LIPE: variants seen among roughly 807,000 people sequenced by gnomAD.
The protein encoded by LIPE is hormone-sensitive lipase.
LIPE carries 66 observed loss-of-function variants against 88.5 expected under a neutral mutation model. The ratio of observed to expected loss-of-function variants is 0.75; its 90% confidence interval spans 0.61 to 0.91. LIPE has a LOEUF of 0.91. LIPE is among the 40% of genes least tolerant of loss of function. The pLI is 0.00. For synonymous variants in LIPE, 570 were observed against 617.5 expected, an observed-to-expected ratio of 0.92 and a Z score of 1.14; for missense variants, 1,346 against 1,434.7, an observed-to-expected ratio of 0.94 and a Z score of 1.00.
Position 42,426,623 on chromosome 19 carries a change from G to A in LIPE, c.527C>T (p.Thr176Met), listed in dbSNP as rs961123679. 5.0e-6 allele frequency: 8 copies of A among 1,614,114 alleles called. No homozygotes were observed. The highest frequency in any genetic ancestry group is 4.5e-5 in the East Asian group (2 of 44,894). ...TGACTGTTCAGGTGTCTCTTGGGAC[G>A]TAGATTCAGTCGGGGCAGATGGCTC... The part of the protein sequence containing the change: ...KREPSAPTES[T>M]SQETPEQSDK... Residue 176 changes from threonine to methionine, a missense_variant, in exon 1 of 10, where the codon ACG (threonine) becomes ATG (methionine). By Grantham distance (81) the Thr-to-Met change is moderately conservative. Transcript: ENST00000244289.
chr19:42,420,227 T>C (rs1260429079), intron 1 of LIPE, among the ~76,000 whole-genome samples: 2 of 152,004 alleles, frequency 1.3e-5, no homozygotes, highest in African/African-American at 2.4e-5. Flanking sequence ...ATCTCTGCTG[T>C]GTTTCTGTGT....
chr19:42,410,299 G>A lies in LIPE; in HGVS notation c.1419+8C>T, dbSNP rs924217945. On this transcript the variant is annotated splice_region_variant and intron_variant, in intron 2 of 9. Transcript: ENST00000244289. The surrounding 1 kb of genome is among the most constrained non-coding windows in gnomAD (Gnocchi z 6.1). The stretch of plus-strand genomic sequence containing the variant: ...TGGGCCCAGAGGGGCACGGGGCAGG[G>A]GGCTCACCTGGAAGCCCAGGCAGCG... The A allele has an allele frequency of 1.1e-5, 17 of 1,558,926 alleles. No homozygotes were observed. The highest frequency in any genetic ancestry group is 1.5e-5 in the Non-Finnish European group (17 of 1,150,836).
chr19:42,417,261 T>A (rs1467552770), intron 1 of LIPE, among the ~76,000 whole-genome samples: 2 of 152,184 alleles, frequency 1.3e-5, no homozygotes, highest in African/African-American at 2.4e-5. Context: ...TTCTTATTTT[T>A]AAAATTTTTA....
intron 1 of LIPE, among the ~76,000 whole-genome samples, chr19:42,417,426 AT>A (rs568678648): frequency 0.036 from 5,128 of 144,436 alleles, 254 homozygotes; most frequent in African/African-American, 0.12. Context: ...TGCCTGGTTC[AT>A]TTTTTTTTTT....
chr19:42,420,816 T>C (rs577795527), intron 1 of LIPE, among the ~76,000 whole-genome samples: 1 of 152,162 alleles, frequency 6.6e-6, no homozygotes, highest in Non-Finnish European at 1.5e-5. Flanking sequence ...GTTCACACAC[T>C]TCCAACCCTT....
chr19:42,402,060 G>A lies in LIPE; in HGVS notation c.2983C>T (p.Pro995Ser). ...PVHIVACALD[P>S]MLDDSVMLAR... ...AGCATGACCGAGTCGTCCAGCATGG[G>A]GTCCAGCGCGCACGCCTACGGGACA... The change falls in exon 10 of 10, where the codon CCC (proline) becomes TCC (serine). Residue 995 changes from proline (P) to serine (S), a missense_variant. By Grantham distance (74) the Pro-to-Ser change is moderately conservative. Transcript: ENST00000244289. The A allele has an allele frequency of 6.7e-7, 1 of 1,496,148 alleles. No individual in the cohort carries two copies. Among genetic ancestry groups the A allele is most frequent in the Non-Finnish European group, 8.9e-7 (1 of 1,120,560 alleles). The allele number at this position is 1,496,148 out of a possible 1,614,324, so 92.7% of individuals were successfully genotyped here. A position where few individuals can be genotyped will look rare whatever the true frequency, so the allele number is the denominator to read the frequency against.
At chr19:42,415,558 C>G (rs2040469180) in intron 1 of LIPE, among the ~76,000 whole-genome samples, 1 of 152,228 alleles carries the variant, frequency 6.6e-6, no homozygotes, top group Non-Finnish European at 1.5e-5. Flanking sequence ...TGCCTGTAAT[C>G]CCAGCACTTT....
chr19:42,420,368 C>T lies in LIPE; in HGVS notation c.883+5899G>A, dbSNP rs527326215. ...GGCGTGTGTCCTGGCCTGTGTCCGT[C>T]GGCACTGGTACATTTGAAGGTATGA... On this transcript the variant is annotated intron_variant, in intron 1 of 9. Coordinates refer to ENST00000244289, the MANE Select transcript of LIPE (RefSeq NM_005357.4). Among the ~76,000 whole-genome samples the T allele has an allele frequency of 2.6e-5, 4 of 152,150 alleles. No homozygotes were observed. In the South Asian group the frequency reaches 6.2e-4, roughly 24 times the overall value.
At position 42,408,837 on chromosome 19, in the gene LIPE, A is replaced by AC. The variant is rs888576196; in HGVS notation, c.1420-516_1420-515insG. Among the ~76,000 whole-genome samples, 4 of 150,366 alleles carry AC rather than the reference A, an allele frequency of 2.7e-5. No homozygotes were observed. The highest frequency in any genetic ancestry group is 6.6e-5 in the Admixed American group (1 of 15,106). On this transcript the variant is annotated intron_variant, in intron 2 of 9. Transcript: ENST00000244289. This position sits in a 1 kb window ranked among gnomAD's most constrained non-coding sequence, Gnocchi z 4.3. ...AGACTCTGTCTCTAAAAAAAAAAAA[A>AC]GGTGAGCTCATGCTTGGTGCTTGAC...
Position 42,406,049 on chromosome 19 carries a change from C to T in LIPE, c.2365+112G>A. On this transcript the variant is annotated intron_variant, in intron 7 of 9. Coordinates refer to ENST00000244289, the MANE Select transcript of LIPE (RefSeq NM_005357.4). The surrounding 1 kb of genome is among the most constrained non-coding windows in gnomAD (Gnocchi z 5.7). ...AAAAAGGGACAAGGAGTCTTAGATT[C>T]CTCTGCCTGGCCTCTCCTTCCTCAG... 1.2e-6 allele frequency: 1 copy of T among 835,950 alleles called. No homozygotes were observed. The highest frequency in any genetic ancestry group is 1.7e-5 in the South Asian group (1 of 59,060). The allele number at this position is 835,950 out of a possible 1,614,324, so 51.8% of individuals were successfully genotyped here. A position where few individuals can be genotyped will look rare whatever the true frequency, so the allele number is the denominator to read the frequency against.
At position 42,408,593 on chromosome 19, in the gene LIPE, G is replaced by A. The variant is rs2147612340; in HGVS notation, c.1420-271C>T. ...AAAAAAAAAGGCAGTAGGTGGAGAGGGCACCAGTGATGACTAGGGGTCAGG... is the reference window on the plus strand; with the variant it reads ...AAAAAAAAAGGCAGTAGGTGGAGAGAGCACCAGTGATGACTAGGGGTCAGG... On this transcript the variant is annotated intron_variant, in intron 2 of 9. Transcript: ENST00000244289. The surrounding 1 kb of genome is among the most constrained non-coding windows in gnomAD (Gnocchi z 4.3). 1 of 474,746 alleles carries A rather than the reference G, an allele frequency of 2.1e-6. No individual in the cohort carries two copies. The highest frequency in any genetic ancestry group is 3.9e-6 in the Non-Finnish European group (1 of 258,152). The allele number at this position is 474,746 out of a possible 1,614,324, so 29.4% of individuals were successfully genotyped here. A position where few individuals can be genotyped will look rare whatever the true frequency, so the allele number is the denominator to read the frequency against.
Position 42,408,823 on chromosome 19 carries a change from C to CT in LIPE, c.1420-502dup, listed in dbSNP as rs2040278590. Reference sequence around the variant, plus strand: ...TGGGCGACAGAGCGAGACTCTGTCTCTAAAAAAAAAAAAAGGTGAGCTCAT... The same window carrying CT: ...TGGGCGACAGAGCGAGACTCTGTCTCTTAAAAAAAAAAAAAGGTGAGCTCAT... On this transcript the variant is annotated intron_variant, in intron 2 of 9. Coordinates refer to ENST00000244289, the MANE Select transcript of LIPE (RefSeq NM_005357.4). This position sits in a 1 kb window ranked among gnomAD's most constrained non-coding sequence, Gnocchi z 4.3. Among the ~76,000 whole-genome samples the CT allele has an allele frequency of 7.2e-6, 1 of 138,530 alleles. No individual in the cohort carries two copies. The highest frequency in any genetic ancestry group is 1.6e-5 in the Non-Finnish European group (1 of 61,664). 90.9% of individuals were successfully genotyped at this position (138,530 alleles called of 152,430 possible).
rs143010763 is a variant in LIPE at position 42,408,872 on chromosome 19, G to T, written c.1420-550C>A. Reference sequence around the variant, plus strand: ...ATGCTTGGTGCTTGACCTGGGTAGCGACAGTCAGGGGGCCAGTGTGGCTGG... The same window carrying T: ...ATGCTTGGTGCTTGACCTGGGTAGCTACAGTCAGGGGGCCAGTGTGGCTGG... On this transcript the variant is annotated intron_variant, in intron 2 of 9. Transcript: ENST00000244289. This position sits in a 1 kb window ranked among gnomAD's most constrained non-coding sequence, Gnocchi z 4.3. Among the ~76,000 whole-genome samples, 20 of 152,058 alleles carry T rather than the reference G, an allele frequency of 1.3e-4. No homozygotes were observed. In the East Asian group the frequency reaches 3.5e-3, roughly 26 times the overall value.
chr19:42,417,856 C>T (rs983515498), intron 1 of LIPE, among the ~76,000 whole-genome samples: 2 of 151,558 alleles, frequency 1.3e-5, no homozygotes, highest in African/African-American at 4.9e-5. Context: ...TCCCCCTCTA[C>T]AAAAAATAAA....
At chr19:42,412,649 C>T (rs2040407416) in intron 1 of LIPE, 5 of 838,566 alleles carry the variant, frequency 6.0e-6, no homozygotes, top group Non-Finnish European at 7.2e-6. Flanking sequence ...CCCACAGCCC[C>T]TCCTCCCTCA....
chr19:42,412,364 C>T (rs2040400019), intron 1 of LIPE: 1 of 985,884 alleles, frequency 1.0e-6, no homozygotes, highest in African/African-American at 1.7e-5. Flanking sequence ...TGGACACTCA[C>T]CCCTCCTAGG....
At chr19:42,423,774 A>G (rs1286170389) in intron 1 of LIPE, 1 of 1,111,514 alleles carries the variant, frequency 9.0e-7, no homozygotes, top group South Asian at 2.0e-5. Context: ...CTCGCGGCCA[A>G]CAAAAAGGCA....
At position 42,410,207 on chromosome 19, in the gene LIPE, T is replaced by C. The variant is rs34557798; in HGVS notation, c.1419+100A>G. 12 of 1,221,184 alleles carry C rather than the reference T, an allele frequency of 9.8e-6. No individual in the cohort carries two copies. The highest frequency in any genetic ancestry group is 1.3e-5 in the Non-Finnish European group (12 of 894,088). 75.6% of individuals were successfully genotyped at this position (1,221,184 alleles called of 1,614,324 possible). A position where few individuals can be genotyped will look rare whatever the true frequency, so the allele number is the denominator to read the frequency against. ...TGTACCTGCTGTTTGCTGAGTCCGA[T>C]AATGCTGACCACTGGTTACTTTACC... is the stretch of plus-strand genomic sequence containing the variant. On this transcript the variant is annotated intron_variant, in intron 2 of 9. Transcript: ENST00000244289. This position sits in a 1 kb window ranked among gnomAD's most constrained non-coding sequence, Gnocchi z 6.1.
Position 42,407,284 on chromosome 19 carries a change from G to A in LIPE, c.2027C>T (p.Ala676Val), listed in dbSNP as rs765951365. ...GGAGTAGTCGATGGAGATGATGGGGGCGCCCAGCTCCTGGGCCCAGCTCTT... is the reference window on the plus strand; with the variant it reads ...GGAGTAGTCGATGGAGATGATGGGGACGCCCAGCTCCTGGGCCCAGCTCTT... ...YLKSWAQELG[A>V]PIISIDYSLA... Residue 676 changes from alanine (A) to valine (V), a missense_variant, in exon 6 of 10, where the codon GCC becomes GTC. Coordinates refer to ENST00000244289, the MANE Select transcript of LIPE (RefSeq NM_005357.4). This position sits in a 1 kb window ranked among gnomAD's most constrained non-coding sequence, Gnocchi z 5.8. 85 of 1,608,640 alleles carry A rather than the reference G, an allele frequency of 5.3e-5. No homozygotes were observed. The East Asian group carries it at 1.2e-3, about 22-fold the overall frequency.
Sources: gnomAD v4.1 joint callset for allele counts (sites outside exome capture counted in the v4.1 genomes callset) on GRCh38, gnomAD v4.1.1 for gene constraint, Gnocchi (gnomAD v3.1) non-coding constraint, MANE v1.5 for transcripts, NCBI Gene and HGNC (gene_info 2026-07-23, HGNC 2026-07-21) for gene names.